The following UBXN6 variants were observed in gnomAD, a reference collection of about 807,000 sequenced individuals.
The protein encoded by UBXN6 is UBX domain protein 6.
Under a neutral mutation model 51.4 loss-of-function variants are expected in UBXN6, and 44 were observed. The ratio of observed to expected loss-of-function variants is 0.86; its 90% CI spans 0.67 to 1.10. The LOEUF is 1.10. UBXN6 is among the 50% of genes least tolerant of loss of function. The pLI, the probability that UBXN6 is intolerant of heterozygous loss-of-function variation, is 0.00. For missense variants in UBXN6, 672 were observed against 596.1 expected, an observed-to-expected ratio of 1.13 and a Z score of -1.32; for synonymous variants, 316 against 263.2, an observed-to-expected ratio of 1.20 and a Z score of -1.94.
rs950083784 is a variant in UBXN6 at position 4,445,288 on chromosome 19, C to T, written c.*210G>A. The T allele has an allele frequency of 9.9e-5, 75 of 759,034 alleles. No homozygotes were observed. Among genetic ancestry groups the T allele is most frequent in the Middle Eastern group, 4.1e-4 (1 of 2,452 alleles). 47.0% of individuals were successfully genotyped at this position (759,034 alleles called of 1,614,324 possible). ...TGTTGGTGTCCCCAGGCCTCTCCCT[C>T]GGGGGCTTGGGCGCATCCCCACAGC... is the stretch of plus-strand genomic sequence containing the variant. On this transcript the variant is annotated 3_prime_UTR_variant, in exon 11 of 11. Transcript: ENST00000301281.
intron 2 of UBXN6, 80 bp downstream of exon 2, chr19:4,453,850 A>C: frequency 6.5e-7 from 1 of 1,547,704 alleles, no homozygotes; most frequent in Non-Finnish European, 8.7e-7. Flanking sequence ...TGCTCATGTG[A>C]CTTCTGCATC....
intron 4 of UBXN6, chr19:4,450,106 T>C (rs1043378735): frequency 1.3e-5 from 2 of 151,266 alleles, no homozygotes; most frequent in Admixed American, 1.3e-4. Context: ...GCACCTGTAG[T>C]CCCAGCTACT....
chr19:4,446,046 C>T lies in UBXN6; in HGVS notation c.1200+3G>A. On this transcript the variant is annotated splice_donor_region_variant and intron_variant, in intron 10 of 10. Transcript: ENST00000301281. ...AGCGGTGCTCCTGCGGGCCGACACT[C>T]ACCAGCCCGCACTCGTTCAAGGCCA... 6.2e-7 allele frequency: 1 copy of T among 1,609,138 alleles called. No individual in the cohort carries two copies. Among genetic ancestry groups the T allele is most frequent in the Non-Finnish European group, 8.5e-7 (1 of 1,177,942 alleles).
chr19:4,448,519 T>C, intron 4 of UBXN6, 104 bp from the exon 5 acceptor site: 1 of 933,094 alleles, frequency 1.1e-6, no homozygotes, highest in Non-Finnish European at 1.7e-6. Context: ...GAACAGCGGC[T>C]TGGAGCGGCC....
At chr19:4,457,510 C>A in intron 1 of UBXN6, 105 bp downstream of exon 1, 1 of 1,054,194 alleles carries the variant, frequency 9.5e-7, no homozygotes, top group Non-Finnish European at 1.3e-6. Context: ...GTGCCGCTCC[C>A]AGCCCCTCAT....
rs946653856 is a variant in UBXN6 at position 4,446,116 on chromosome 19, T to C, written c.1133A>G (p.Glu378Gly). Residue 378 changes from glutamate to glycine, a missense_variant, in exon 10 of 11, where the codon GAG becomes GGG. Glu to Gly is a moderately conservative substitution (Grantham distance 98). Transcript: ENST00000301281. ...CTTCTGCCCTCCCGAGGCCAGCAGCTCAAAAGGCAGCCAGTCGCTCTGCAG... is the reference window on the plus strand; with the variant it reads ...CTTCTGCCCTCCCGAGGCCAGCAGCCCAAAAGGCAGCCAGTCGCTCTGCAG... ...EALQSDWLPF[E>G]LLASGGQKLS... The C allele has an allele frequency of 6.2e-7, 1 of 1,612,408 alleles. No homozygotes were observed. Among genetic ancestry groups the C allele is most frequent in the Non-Finnish European group, 8.5e-7 (1 of 1,179,868 alleles).
rs371626143 is a variant in UBXN6 at position 4,445,642 on chromosome 19, G to A, written c.1201-19C>T. Reference sequence around the variant, plus strand: ...AGGGCACCTGCGGTAGGGGTAGGCCGTCACTCTGAGACCGAGAGTCGGCCC... The same window carrying A: ...AGGGCACCTGCGGTAGGGGTAGGCCATCACTCTGAGACCGAGAGTCGGCCC... On this transcript the variant is annotated intron_variant, in intron 10 of 10. Transcript: ENST00000301281. 47 of 1,609,242 alleles carry A rather than the reference G, an allele frequency of 2.9e-5. No homozygotes were observed. The highest frequency in any genetic ancestry group is 2.3e-4 in the Admixed American group (14 of 59,902).
intron 4 of UBXN6, 173 bp from the exon 5 acceptor site, chr19:4,448,588 C>T (rs1974590733): frequency 2.7e-5 from 17 of 627,058 alleles, no homozygotes; most frequent in Middle Eastern, 4.3e-4. Context: ...GCAGCCCTGC[C>T]CACGCCCCAG....
intron 4 of UBXN6, 81 bp from the exon 5 acceptor site, chr19:4,448,496 G>A (rs1974588150): frequency 3.4e-6 from 4 of 1,162,024 alleles, no homozygotes; most frequent in Non-Finnish European, 3.7e-6. Context: ...ACAGGGGCAG[G>A]AAAAGGAAGG....
rs1465211357 is a variant in UBXN6, at chr19:4,457,712, C to T, written c.-15G>A. On this transcript the variant is annotated 5_prime_UTR_variant, in exon 1 of 11. Transcript: ENST00000301281. ...AATTTCTTCATGGTGGCGGCTGGCCCGGCGGCGGGGGGCCGCGGGGGCGGG... is the reference window on the plus strand; with the variant it reads ...AATTTCTTCATGGTGGCGGCTGGCCTGGCGGCGGGGGGCCGCGGGGGCGGG... 3.3e-6 allele frequency: 5 copies of T among 1,493,876 alleles called. No homozygotes were observed. The highest frequency in any genetic ancestry group is 4.5e-6 in the Non-Finnish European group (5 of 1,122,998). 92.5% of individuals were successfully genotyped at this position (1,493,876 alleles called of 1,614,324 possible). A position where few individuals can be genotyped will look rare whatever the true frequency, so the allele number is the denominator to read the frequency against.
chr19:4,456,156 T>G (rs12609703), intron 1 of UBXN6, among the ~76,000 whole-genome samples: 1 of 151,118 alleles, frequency 6.6e-6, no homozygotes, highest in African/African-American at 2.4e-5. Context: ...TCTGGGCTGA[T>G]CCAGCCATCA....
chr19:4,446,748 T>C, intron 7 of UBXN6, 29 bp from the exon 8 acceptor site: 1 of 1,610,206 alleles, frequency 6.2e-7, no homozygotes, highest in Non-Finnish European at 8.5e-7. Flanking sequence ...TGGGTGTCAC[T>C]GTGCAATGGA....
intron 4 of UBXN6, among the ~76,000 whole-genome samples, chr19:4,451,170 C>A (rs1599678652): frequency 6.6e-6 from 1 of 152,206 alleles, no homozygotes; most frequent in Non-Finnish European, 1.5e-5. Context: ...GATTCTCCTG[C>A]CTCAGTCTCC....
intron 1 of UBXN6, chr19:4,455,426 C>A: frequency 2.8e-6 from 1 of 361,302 alleles, no homozygotes; most frequent in Non-Finnish European, 3.9e-6. Context: ...CGGCCTCATC[C>A]GATATCTGGG....
At position 4,454,077 on chromosome 19, in the gene UBXN6, CTT is replaced by C; in HGVS notation, c.98_99del (p.Lys33ArgfsTer18). On this transcript the variant is annotated frameshift_variant, in exon 2 of 11. Coordinates refer to ENST00000301281, the MANE Select transcript of UBXN6 (RefSeq NM_025241.3). LOFTEE classifies it high-confidence loss of function. ...LKESVGEKAH[K>X]EKPNQPAPRP... is the part of the protein sequence containing the mutation. ...CTGGGGGCTGGCTGGTTGGGCTTCT[CTT>C]TGTGGGCCTTTTCCCTGGGAACAGA... The C allele has an allele frequency of 6.4e-7, 1 of 1,560,928 alleles. No homozygotes were observed. The highest frequency in any genetic ancestry group is 8.6e-7 in the Non-Finnish European group (1 of 1,157,960).
At chr19:4,455,261 T>A (rs1231632336) in intron 1 of UBXN6, 1 of 985,320 alleles carries the variant, frequency 1.0e-6, no homozygotes, top group African/African-American at 1.7e-5. Context: ...ATTAAAACCT[T>A]CTGGGAGGCC....
In UBXN6 at chr19:4,445,232, A is replaced by G; in HGVS notation, c.*266T>C. On this transcript the variant is annotated 3_prime_UTR_variant, in exon 11 of 11. Coordinates refer to ENST00000301281, the MANE Select transcript of UBXN6 (RefSeq NM_025241.3). ...TGTCTGTCCGGCAGCTTCATGACAC[A>G]GTTACCAAGCAGCTAGGGAGGGCTT... The G allele has an allele frequency of 2.2e-6, 1 of 456,146 alleles. No individual in the cohort carries two copies. Among genetic ancestry groups the G allele is most frequent in the East Asian group, 4.5e-5 (1 of 22,358 alleles). The allele number at this position is 456,146 out of a possible 1,614,324, so 28.3% of individuals were successfully genotyped here.
chr19:4,453,686 C>T (rs1568193031), intron 2 of UBXN6, among the ~76,000 whole-genome samples, 164 bp from the exon 3 acceptor site: 3 of 152,108 alleles, frequency 2.0e-5, no homozygotes, highest in South Asian at 4.1e-4. Flanking sequence ...ACTTGCTGTG[C>T]AGCCACCCCT....
At chr19:4,446,759 G>A (rs1974538385) in intron 7 of UBXN6, 40 bp from the exon 8 acceptor site, 2 of 1,611,742 alleles carry the variant, frequency 1.2e-6, no homozygotes, top group African/African-American at 1.3e-5. Context: ...GTGCAATGGA[G>A]AGACCCCCAA....
Sources: gnomAD v4.1 joint callset for allele counts (sites outside exome capture counted in the v4.1 genomes callset) on GRCh38, gnomAD v4.1.1 for gene constraint, MANE v1.5 for transcripts, NCBI Gene and HGNC (gene_info 2026-07-23, HGNC 2026-07-21) for gene names.